TONSL: variants seen among roughly 807,000 people sequenced by gnomAD.
TONSL encodes the protein tonsoku-like protein.
Under a neutral mutation model 147.1 loss-of-function variants are expected in TONSL, and 112 were observed. That is an observed-to-expected ratio of 0.76 (90% CI 0.65 to 0.89). TONSL has a LOEUF of 0.89. TONSL is among the 40% of genes least tolerant of loss of function. The probability of loss-of-function intolerance (pLI) is 0.00; values close to 1 mark genes in which losing one functional copy is unlikely to be tolerated. For missense variants in TONSL, 1,883 were observed against 1,864.6 expected (o/e 1.01, Z -0.18); for synonymous variants, 868 against 801.5 (o/e 1.08, Z -1.40).
rs772396486 is a variant in TONSL at position 144,435,839 on chromosome 8, G to A, written c.2594C>T (p.Ser865Leu). The change falls in exon 17 of 26, where the codon TCG (serine) becomes TTG (leucine). Residue 865 changes from serine (S) to leucine (L), a missense_variant. By Grantham distance (145) the Ser-to-Leu change is moderately radical. Coordinates refer to ENST00000409379, the MANE Select transcript of TONSL (RefSeq NM_013432.5). ...DNRRPSSTSGSDSEESRPRAR... is the reference protein window; with the variant it reads ...DNRRPSSTSGLDSEESRPRAR... ...ACGGGGCCTGCTCTCCTCACTGTCCGACCCAGAGGTACTACTGGGCCTGCG... is the reference window on the plus strand; with the variant it reads ...ACGGGGCCTGCTCTCCTCACTGTCCAACCCAGAGGTACTACTGGGCCTGCG... The A allele has an allele frequency of 5.6e-6, 9 of 1,611,960 alleles. No homozygotes were observed. The highest frequency in any genetic ancestry group is 4.5e-5 in the East Asian group (2 of 44,826).
At chr8:144,431,412 C>CGG (rs1414657368) in intron 23 of TONSL, among the ~76,000 whole-genome samples, 2 of 152,130 alleles carry the variant, frequency 1.3e-5, no homozygotes, top group African/African-American at 2.4e-5. Context: ...ACCTTCCTGG[C>CGG]GGGGGGCAAG....
At position 144,431,779 on chromosome 8, in the gene TONSL, C is replaced by G. The variant is rs1823205078; in HGVS notation, c.3735+506G>C. 2.0e-5 allele frequency among the ~76,000 whole-genome samples: 3 copies of G among 151,516 alleles called. No individual in the cohort carries two copies. In the South Asian group the frequency reaches 6.2e-4, roughly 31 times the overall value. ...CCGCCCGCCTCGGCCTCCCAAAGTG[C>G]TGGGATTACAGGCGTAAGCTACCAC... On this transcript the variant is annotated intron_variant, in intron 23 of 25. Transcript: ENST00000409379.
chr8:144,433,923 GA>G, intron 21 of TONSL, 54 bp downstream of exon 21: 1 of 1,506,710 alleles, frequency 6.6e-7, no homozygotes, highest in Non-Finnish European at 8.9e-7. Context: ...GGGACCTGCA[GA>G]ATGGGAACCC....
chr8:144,429,940 TC>T (rs1418174909), intron 25 of TONSL, among the ~76,000 whole-genome samples: 1 of 152,124 alleles, frequency 6.6e-6, no homozygotes, highest in Admixed American at 6.5e-5. Flanking sequence ...GGGGTTGTCT[TC>T]CAGACAGCTC....
chr8:144,443,889 G>T lies in TONSL; in HGVS notation c.257C>A (p.Ala86Asp). Residue 86 changes from alanine to aspartate, a missense_variant, in exon 3 of 26, where the codon GCC becomes GAC. Coordinates refer to ENST00000409379, the MANE Select transcript of TONSL (RefSeq NM_013432.5). ...RLAEMEDYPA[A>D]LQHQHQYLEL... ...CAGTGAGGGCGCCCGCACCTGCAAG[G>T]CAGCCGGGTAGTCCTCCATCTCGGC... The T allele has an allele frequency of 1.3e-6, 2 of 1,545,370 alleles. No individual in the cohort carries two copies. Among genetic ancestry groups the T allele is most frequent in the Non-Finnish European group, 8.7e-7 (1 of 1,146,636 alleles).
At chr8:144,441,802 C>T (rs1023625053) in intron 7 of TONSL, 6 of 478,534 alleles carry the variant, frequency 1.3e-5, no homozygotes, top group East Asian at 7.7e-5. Context: ...GTCTCCTGGC[C>T]GCCCTTTCAT....
At position 144,435,043 on chromosome 8, in the gene TONSL, G is replaced by A. The variant is rs777412758; in HGVS notation, c.2980C>T (p.Pro994Ser). 5.1e-5 allele frequency: 82 copies of A among 1,612,406 alleles called. No individual in the cohort carries two copies. Among genetic ancestry groups the A allele is most frequent in the Non-Finnish European group, 6.7e-5 (79 of 1,179,676 alleles). Reference sequence around the variant, plus strand: ...TCGTCATTGCTCTGCAGCACATCAGGGATGAGGTCCTGTGGGGCCAGCAGG... The same window carrying A: ...TCGTCATTGCTCTGCAGCACATCAGAGATGAGGTCCTGTGGGGCCAGCAGG... ...GALLAPQDLI[P>S]DVLQSNDEVL... The change falls in exon 19 of 26, where the codon CCT (proline) becomes TCT (serine). Residue 994 changes from proline (P) to serine (S), a missense_variant. By Grantham distance (74) the Pro-to-Ser change is moderately conservative. Transcript: ENST00000409379.
intron 2 of TONSL, 39 bp downstream of exon 2, chr8:144,444,141 C>A (rs925619651): frequency 7.3e-7 from 1 of 1,368,012 alleles, no homozygotes; most frequent in Non-Finnish European, 9.4e-7. Flanking sequence ...CGGGCCCGGG[C>A]CCCGGCCCTG....
Position 144,435,161 on chromosome 8 carries a change from G to T in TONSL, c.2862C>A (p.Thr954=). Residue 954 remains threonine, a synonymous_variant, in exon 19 of 26, where the codon ACC becomes ACA. Transcript: ENST00000409379. ...FLIPVPHSSD[T]HSVAWLAEQA... ...GCTCGGCCAGCCAGGCCACAGAGTG[G>T]GTGTCACTGCTGCAGGGACAGAGGC... 1 of 1,553,664 alleles carries T rather than the reference G, an allele frequency of 6.4e-7. No individual in the cohort carries two copies.
At chr8:144,443,099 G>A (rs763864187) in intron 4 of TONSL, 39 bp downstream of exon 4, 12 of 1,536,344 alleles carry the variant, frequency 7.8e-6, no homozygotes, top group African/African-American at 1.4e-5. Context: ...TCTTCGGCCC[G>A]AAGTTCAGGA....
At chr8:144,438,370 GA>G in intron 13 of TONSL, 100 bp downstream of exon 13, 1 of 1,310,624 alleles carries the variant, frequency 7.6e-7, no homozygotes, top group East Asian at 2.5e-5. Flanking sequence ...GCCCCATTTT[GA>G]AGATGAGGAA....
Position 144,440,480 on chromosome 8 carries a change from G to A in TONSL, c.1165-4C>T, listed in dbSNP as rs765292573. 1 of 1,590,356 alleles carries A rather than the reference G, an allele frequency of 6.3e-7. No individual in the cohort carries two copies. On this transcript the variant is annotated splice_region_variant and splice_polypyrimidine_tract_variant and intron_variant, in intron 9 of 25. Transcript: ENST00000409379. ...TGTTCAGCCAGGTCTTGGCCTCCTG[G>A]AGCAGGAGGAAGGACAGGGTCGGGG... is the stretch of plus-strand genomic sequence containing the variant.
intron 22 of TONSL, chr8:144,432,856 G>A (rs1002803120): frequency 2.4e-5 from 4 of 169,542 alleles, no homozygotes; most frequent in Non-Finnish European, 3.8e-5. Flanking sequence ...GGCTCACAGT[G>A]GAACTGCCTC....
chr8:144,431,358 A>AC lies in TONSL; in HGVS notation c.3736-208dup, dbSNP rs1823180555. Among the ~76,000 whole-genome samples the AC allele has an allele frequency of 1.3e-5, 2 of 151,832 alleles. 1 individual carries two copies. Among genetic ancestry groups the AC allele is most frequent in the South Asian group, 4.2e-4 (2 of 4,786 alleles). The stretch of plus-strand genomic sequence containing the variant: ...ATAGGGTCCCAGTTGTGCCTGGAAG[A>AC]CCCCCCAGGAGAGAGCATCAGGGGC... On this transcript the variant is annotated intron_variant, in intron 23 of 25. Transcript: ENST00000409379.
chr8:144,430,359 G>A lies in TONSL; in HGVS notation c.3943+45C>T, dbSNP rs374166790. The A allele has an allele frequency of 2.7e-4, 407 of 1,514,464 alleles. 2 individuals carry two copies. Among genetic ancestry groups the A allele is most frequent in the Middle Eastern group, 8.5e-4 (4 of 4,698 alleles). 93.8% of individuals were successfully genotyped at this position (1,514,464 alleles called of 1,614,324 possible). Reference sequence around the variant, plus strand: ...GCACCTGGGTCTCAGGCAGGTCCCTGAAAAGGCCGAACATGGCAGGCGTGG... The same window carrying A: ...GCACCTGGGTCTCAGGCAGGTCCCTAAAAAGGCCGAACATGGCAGGCGTGG... On this transcript the variant is annotated intron_variant, in intron 25 of 25. Coordinates refer to ENST00000409379, the MANE Select transcript of TONSL (RefSeq NM_013432.5).
intron 22 of TONSL, 24 bp from the exon 23 acceptor site, chr8:144,432,484 A>G: frequency 2.0e-6 from 3 of 1,519,226 alleles, no homozygotes; most frequent in Non-Finnish European, 2.6e-6. Context: ...AGAATCCGTC[A>G]GCCCCACGTG....
chr8:144,442,175 G>T, intron 6 of TONSL, 24 bp from the exon 7 acceptor site: 2 of 1,601,920 alleles, frequency 1.2e-6, no homozygotes, highest in Non-Finnish European at 1.7e-6. Flanking sequence ...GACAGCAAAG[G>T]TTTTGCAGAA....
At position 144,434,164 on chromosome 8, in the gene TONSL, C is replaced by T. The variant is rs1242209561; in HGVS notation, c.3201G>A (p.Lys1067=). ...GCAGCTCCCGGAGTGCTGTGTGCAG[C>T]TTGAGGGCCCGCAGCAGGGGTGTAA... ...AQLTPLLRAL[K]LHTALRELRL... is the part of the protein sequence containing the mutation. Residue 1067 remains lysine, a synonymous_variant, in exon 21 of 26, where the codon AAG becomes AAA. Coordinates refer to ENST00000409379, the MANE Select transcript of TONSL (RefSeq NM_013432.5). 4.4e-6 allele frequency: 7 copies of T among 1,608,828 alleles called. No homozygotes were observed. In the African/African-American group the frequency reaches 9.3e-5, roughly 21 times the overall value.
rs1486786822 is a variant in TONSL, at chr8:144,430,487, G to T, written c.3860C>A (p.Pro1287His). 2 of 1,613,610 alleles carry T rather than the reference G, an allele frequency of 1.2e-6. No homozygotes were observed. Among genetic ancestry groups the T allele is most frequent in the African/African-American group, 2.7e-5 (2 of 75,054 alleles). ...TTCCAAGCTGGCACAGCTGATCTCA[G>T]GGTTGGCAGACAGATCCAGTGAGAT... The part of the protein sequence containing the change: ...SLISLDLSAN[P>H]EISCASLEEL... Residue 1287 changes from proline to histidine, a missense_variant, in exon 25 of 26, where the codon CCT (proline) becomes CAT (histidine). Physicochemically the swap from Pro to His is moderately conservative, Grantham distance 77 (BLOSUM62 -2). Transcript: ENST00000409379.
Sources: gnomAD v4.1 joint callset for allele counts (sites outside exome capture counted in the v4.1 genomes callset) on GRCh38, gnomAD v4.1.1 for gene constraint, MANE v1.5 for transcripts, NCBI Gene and HGNC (gene_info 2026-07-23, HGNC 2026-07-21) for gene names.